Variants in STRN observed in about 807,000 individuals in gnomAD.
STRN encodes striatin.
Under a neutral mutation model 96.3 loss-of-function variants are expected in STRN, and 53 were observed. That is an observed-to-expected ratio of 0.55 (90% confidence interval 0.44 to 0.69). The LOEUF (loss-of-function observed/expected upper bound fraction) is 0.69. Among genes scored for constraint, STRN ranks in the 30% least tolerant of loss-of-function variants. The pLI is 0.00. For synonymous variants in STRN, 428 were observed against 355.9 expected, an observed-to-expected ratio of 1.20 and a Z score of -2.28; for missense variants, 987 against 963.9, an observed-to-expected ratio of 1.02 and a Z score of -0.32.
chr2:36,957,742 G>GTTTTTTTTTTTTTTTTTTT lies in STRN; in HGVS notation c.234+8487_234+8488insAAAAAAAAAAAAAAAAAAA, dbSNP rs1158709835. 9.7e-5 allele frequency among the ~76,000 whole-genome samples: 10 copies of GTTTTTTTTTTTTTTTTTTT among 103,120 alleles called. 2 individuals are homozygous for GTTTTTTTTTTTTTTTTTTT. Among genetic ancestry groups the GTTTTTTTTTTTTTTTTTTT allele is most frequent in the Non-Finnish European group, 1.2e-4 (6 of 51,664 alleles). The allele number at this position is 103,120 out of a possible 152,430, so 67.7% of individuals were successfully genotyped here. A position where few individuals can be genotyped will look rare whatever the true frequency, so the allele number is the denominator to read the frequency against. On this transcript the variant is annotated intron_variant, in intron 1 of 17. Coordinates refer to ENST00000263918, the MANE Select transcript of STRN (RefSeq NM_003162.4). Reference sequence around the variant, plus strand: ...GATTAGTCTCATAGTTCTTCTTTTTGTCTTTTTTTTTTTTTTTTTTTTTTT... The same window carrying GTTTTTTTTTTTTTTTTTTT: ...GATTAGTCTCATAGTTCTTCTTTTTGTTTTTTTTTTTTTTTTTTTTCTTTTTTTTTTTTTTTTTTTTTTT...
chr2:36,952,941 T>C (rs1183177746), intron 1 of STRN, among the ~76,000 whole-genome samples: 1 of 152,182 alleles, frequency 6.6e-6, no homozygotes, highest in Non-Finnish European at 1.5e-5. Flanking sequence ...ATTTAGGAAG[T>C]ATAAACAAAA....
chr2:36,871,272 T>G (rs2148152294), intron 10 of STRN, among the ~76,000 whole-genome samples: 1 of 152,326 alleles, frequency 6.6e-6, no homozygotes, highest in African/African-American at 2.4e-5. Context: ...ACTCACTGAC[T>G]CATTCAGAGC....
At chr2:36,859,332 G>C (rs1003318180) in intron 13 of STRN, among the ~76,000 whole-genome samples, 1 of 152,164 alleles carries the variant, frequency 6.6e-6, no homozygotes, top group African/African-American at 2.4e-5. Context: ...GGGAAGCAGT[G>C]AGACAGCCAG....
chr2:36,908,785 C>A (rs1669888988), intron 3 of STRN, among the ~76,000 whole-genome samples: 1 of 152,008 alleles, frequency 6.6e-6, no homozygotes, highest in African/African-American at 2.4e-5. Context: ...ACCAGCCTGG[C>A]CAATATGGTG....
chr2:36,901,125 C>T (rs1220808211), intron 5 of STRN, among the ~76,000 whole-genome samples: 1 of 152,106 alleles, frequency 6.6e-6, no homozygotes, highest in Non-Finnish European at 1.5e-5. Flanking sequence ...TTTATCCCTA[C>T]TGAAATCGGA....
chr2:36,862,963 T>C (rs1007226060), intron 12 of STRN, among the ~76,000 whole-genome samples: 1 of 152,154 alleles, frequency 6.6e-6, no homozygotes, highest in African/African-American at 2.4e-5. Context: ...GACCTCATGA[T>C]CCGCCCGCCT....
Position 36,840,547 on chromosome 2 carries a change from T to A in STRN, c.*8909A>T, listed in dbSNP as rs1347541474. ...CATCAACTGTCAAGAGATTTTTTTT[T>A]TTTTTTTTTGGTCTTTGATGATTTG... is the stretch of plus-strand genomic sequence containing the variant. On this transcript the variant is annotated 3_prime_UTR_variant, in exon 18 of 18. Coordinates refer to ENST00000263918, the MANE Select transcript of STRN (RefSeq NM_003162.4). The A allele has an allele frequency of 6.6e-6, 1 of 152,040 alleles. No homozygotes were observed. 9.4% of individuals were successfully genotyped at this position (152,040 alleles called of 1,614,324 possible).
At chr2:36,944,527 G>C (rs1223905693) in intron 1 of STRN, among the ~76,000 whole-genome samples, 1 of 152,066 alleles carries the variant, frequency 6.6e-6, no homozygotes. Context: ...GTTCCTAGTA[G>C]AAACACAAAT....
intron 15 of STRN, among the ~76,000 whole-genome samples, chr2:36,852,682 A>T (rs1668249178): frequency 6.6e-6 from 1 of 152,208 alleles, no homozygotes; most frequent in Non-Finnish European, 1.5e-5. Flanking sequence ...AATAGAGTTT[A>T]AAAAATTTTT....
intron 1 of STRN, among the ~76,000 whole-genome samples, chr2:36,926,813 T>C (rs1454289448): frequency 6.6e-6 from 1 of 152,198 alleles, no homozygotes; most frequent in Non-Finnish European, 1.5e-5. Flanking sequence ...CACAAGACTC[T>C]TTTGAAATTA....
chr2:36,909,697 G>C (rs1054072794), intron 3 of STRN, among the ~76,000 whole-genome samples: 1 of 152,004 alleles, frequency 6.6e-6, no homozygotes, highest in African/African-American at 2.4e-5. Flanking sequence ...TAAATCCCAA[G>C]CATAAGAAAT....
chr2:36,925,358 C>T, intron 1 of STRN, 150 bp from the exon 2 acceptor site: 1 of 619,872 alleles, frequency 1.6e-6, no homozygotes, highest in East Asian at 2.8e-5. Context: ...TATAAAAATG[C>T]ACTGACTGCA....
chr2:36,921,090 T>A (rs115506950), intron 2 of STRN, among the ~76,000 whole-genome samples: 6,954 of 150,938 alleles, frequency 0.046, 192 homozygotes, highest in Middle Eastern at 0.071. Context: ...AAAAAAATAA[T>A]AATAATATAA....
intron 10 of STRN, among the ~76,000 whole-genome samples, chr2:36,875,490 A>C (rs1668879567): frequency 1.7e-5 from 2 of 120,858 alleles, no homozygotes; most frequent in African/African-American, 6.3e-5. Flanking sequence ...TGGGCAGCAG[A>C]GTGAGACTCT....
At chr2:36,913,272 C>G (rs1176948978) in intron 3 of STRN, among the ~76,000 whole-genome samples, 1 of 152,124 alleles carries the variant, frequency 6.6e-6, no homozygotes, top group Admixed American at 6.5e-5. Flanking sequence ...TTCACAAGGC[C>G]CTTGTAACTA....
At chr2:36,904,017 C>T (rs1467821189) in intron 4 of STRN, among the ~76,000 whole-genome samples, 1 of 152,160 alleles carries the variant, frequency 6.6e-6, no homozygotes, top group Non-Finnish European at 1.5e-5. Context: ...GATAAAATGA[C>T]ACCTTTACTC....
intron 1 of STRN, among the ~76,000 whole-genome samples, chr2:36,952,766 C>T (rs964524302): frequency 7.9e-5 from 12 of 152,220 alleles, no homozygotes; most frequent in Admixed American, 3.3e-4. Flanking sequence ...TGGATACCTT[C>T]TCCCCTGGCT....
chr2:36,949,881 C>T (rs1317917506), intron 1 of STRN, among the ~76,000 whole-genome samples: 1 of 151,838 alleles, frequency 6.6e-6, no homozygotes, highest in East Asian at 1.9e-4. Flanking sequence ...GTAAATCATC[C>T]AAAGAAAAGG....
intron 10 of STRN, among the ~76,000 whole-genome samples, chr2:36,869,945 C>G (rs1668721776): frequency 6.6e-6 from 1 of 151,894 alleles, no homozygotes; most frequent in Non-Finnish European, 1.5e-5. Context: ...AGGTGTATTA[C>G]AAAAACAATT....
Sources: gnomAD v4.1 joint callset for allele counts (sites outside exome capture counted in the v4.1 genomes callset) on GRCh38, gnomAD v4.1.1 for gene constraint, MANE v1.5 for transcripts, NCBI Gene and HGNC (gene_info 2026-07-23, HGNC 2026-07-21) for gene names.